The following NOTCH4 variants were observed in gnomAD, a reference collection of about 807,000 sequenced individuals.
NOTCH4 encodes the protein notch receptor 4, also known as neurogenic locus notch homolog protein 4.
In NOTCH4, 138 loss-of-function variants were observed where a neutral mutation model predicts 189.0. The ratio of observed to expected loss-of-function variants is 0.73; its 90% CI spans 0.64 to 0.84. The LOEUF (loss-of-function observed/expected upper bound fraction) is 0.84. Ranked by LOEUF, NOTCH4 falls within the 40% of genes least tolerant of loss-of-function variation. The probability of loss-of-function intolerance (pLI) is 0.00; values close to 1 mark genes in which losing one functional copy is unlikely to be tolerated. For missense variants in NOTCH4, 2,286 were observed against 2,605.4 expected (o/e 0.88, Z 2.67); for synonymous variants, 942 against 1,032.8 (o/e 0.91, Z 1.69).
intron 26 of NOTCH4, among the ~76,000 whole-genome samples, chr6:32,197,883 G>A (rs1476110150): frequency 2.0e-5 from 3 of 149,130 alleles, no homozygotes. Context: ...GTGCAGTGGC[G>A]CGATCTCGGC....
Position 32,195,745 on chromosome 6 carries a change from C to G in NOTCH4, c.5704G>C (p.Gly1902Arg). 6.2e-7 allele frequency: 1 copy of G among 1,612,250 alleles called. No homozygotes were observed. Among genetic ancestry groups the G allele is most frequent in the Non-Finnish European group, 8.5e-7 (1 of 1,179,852 alleles). ...GAYSHCRSLSGVGAGGGPTPR... is the reference protein window; with the variant it reads ...GAYSHCRSLSRVGAGGGPTPR... ...GTCGGGCCTCCTCCTGCTCCTACTC[C>G]CGAGAGGCTCCGGCAATGAGAATAG... Residue 1902 changes from glycine to arginine, a missense_variant, in exon 30 of 30, where the codon GGA (glycine) becomes CGA (arginine). Physicochemically the swap from Gly to Arg is moderately radical, Grantham distance 125 (BLOSUM62 -2). This residue lies in a region of NOTCH4 where 383 missense variants were observed against 343.5 expected (regional missense o/e 1.11). Transcript: ENST00000375023. This position sits in a 1 kb window ranked among gnomAD's most constrained non-coding sequence, Gnocchi z 5.4.
At position 32,210,780 on chromosome 6, in the gene NOTCH4, A is replaced by G; in HGVS notation, c.2837T>C (p.Met946Thr). The G allele has an allele frequency of 6.2e-7, 1 of 1,612,816 alleles. No homozygotes were observed. Among genetic ancestry groups the G allele is most frequent in the Non-Finnish European group, 8.5e-7 (1 of 1,180,022 alleles). ...GCAGAGATACCCACTGGGCTGGGCC[A>G]TGCAGGTGGCCCCGTTCTGGCAAGG... is the stretch of plus-strand genomic sequence containing the variant. ...SRPCQNGATC[M>T]AQPSGYLCQC... Residue 946 changes from methionine to threonine, a missense_variant, in exon 18 of 30, where the codon ATG becomes ACG. Met to Thr is a moderately conservative substitution (Grantham distance 81). Coordinates refer to ENST00000375023, the MANE Select transcript of NOTCH4 (RefSeq NM_004557.4). This position sits in a 1 kb window ranked among gnomAD's most constrained non-coding sequence, Gnocchi z 4.8.
At position 32,199,028 on chromosome 6, in the gene NOTCH4, T is replaced by A. The variant is rs1441116063; in HGVS notation, c.4433A>T (p.His1478Leu). The A allele has an allele frequency of 1.2e-6, 2 of 1,612,804 alleles. No homozygotes were observed. Reference protein sequence around the residue: ...LQLIRRRRREHGALWLPPGFT... With the variant: ...LQLIRRRRRELGALWLPPGFT... ...ACCAGGGGGCAGCCAGAGAGCTCCA[T>A]GCTCTCGGCGTCGACGCCGGATGAG... is the stretch of plus-strand genomic sequence containing the variant. Residue 1478 changes from histidine to leucine, a missense_variant, in exon 24 of 30, where the codon CAT becomes CTT. His to Leu is a moderately conservative substitution (Grantham distance 99). Transcript: ENST00000375023. This position sits in a 1 kb window ranked among gnomAD's most constrained non-coding sequence, Gnocchi z 4.9.
At chr6:32,222,949 C>G (rs879213245) in intron 2 of NOTCH4, 56 bp downstream of exon 2, 28 of 1,557,966 alleles carry the variant, frequency 1.8e-5, no homozygotes, top group Admixed American at 5.0e-5. Context: ...ACCTCTCCCC[C>G]CCTGCTCTCC....
intron 18 of NOTCH4, 65 bp from the exon 19 acceptor site, chr6:32,204,454 CA>C: frequency 6.4e-7 from 1 of 1,570,312 alleles, no homozygotes; most frequent in Admixed American, 1.7e-5. Flanking sequence ...ACAAGGGACC[CA>C]GCTCAAGATA....
rs551424595 is a variant in NOTCH4, at chr6:32,207,645, A to C, written c.2865+3107T>G. ...AGACTCTATCCCCCCCCCCCAAAAAAAAAGAAAAAAAGAAACTAAATCTCT... is the reference window on the plus strand; with the variant it reads ...AGACTCTATCCCCCCCCCCCAAAAACAAAGAAAAAAAGAAACTAAATCTCT... On this transcript the variant is annotated intron_variant, in intron 18 of 29. Transcript: ENST00000375023. Among the ~76,000 whole-genome samples the C allele has an allele frequency of 1.5e-3, 223 of 150,432 alleles. 6 individuals carry two copies. The highest frequency in any genetic ancestry group is 0.011 in the Admixed American group (162 of 15,126).
In NOTCH4 at chr6:32,217,267, C is replaced by G; in HGVS notation, c.1625-1G>C. The G allele has an allele frequency of 1.2e-6, 2 of 1,609,522 alleles. No homozygotes were observed. Among genetic ancestry groups the G allele is most frequent in the Non-Finnish European group, 1.7e-6 (2 of 1,177,044 alleles). ...TCCTCACATCGGGTGCCGGAGAATCCTGGTGGGGCGGAAGTGGGTGGGGAG... is the reference window on the plus strand; with the variant it reads ...TCCTCACATCGGGTGCCGGAGAATCGTGGTGGGGCGGAAGTGGGTGGGGAG... On this transcript the variant is annotated splice_acceptor_variant, in intron 9 of 29. Coordinates refer to ENST00000375023, the MANE Select transcript of NOTCH4 (RefSeq NM_004557.4). LOFTEE classifies it high-confidence loss of function. This position sits in a 1 kb window ranked among gnomAD's most constrained non-coding sequence, Gnocchi z 4.2.
rs2127461587 is a variant in NOTCH4, at chr6:32,197,530, C to A, written c.4821G>T (p.Gly1607=). The A allele has an allele frequency of 6.2e-7, 1 of 1,612,276 alleles. No homozygotes were observed. Among genetic ancestry groups the A allele is most frequent in the Non-Finnish European group, 8.5e-7 (1 of 1,179,214 alleles). The stretch of plus-strand genomic sequence containing the variant: ...AGGGCTCAGGACATCCCAACCATGC[C>A]CCTTGGAAGGTCCCGGACTGTACTT... ...CGEVQSGTFQ[G]AWLGCPEPWE... The change falls in exon 27 of 30, where the codon GGG becomes GGT. Residue 1607 remains glycine (G), a synonymous_variant. Coordinates refer to ENST00000375023, the MANE Select transcript of NOTCH4 (RefSeq NM_004557.4).
Position 32,196,055 on chromosome 6 carries a change from C to T in NOTCH4, c.5394G>A (p.Gln1798=). 2.5e-6 allele frequency: 4 copies of T among 1,594,426 alleles called. No homozygotes were observed. Among genetic ancestry groups the T allele is most frequent in the Middle Eastern group, 1.7e-4 (1 of 6,050 alleles). ...GLGAARELRD[Q]AGLAPADVAH... Reference sequence around the variant, plus strand: ...CGACGTCCGCCGGCGCTAGCCCAGCCTGGTCCCGCAGCTCTCGGGCTGCCC... The same window carrying T: ...CGACGTCCGCCGGCGCTAGCCCAGCTTGGTCCCGCAGCTCTCGGGCTGCCC... Residue 1798 remains glutamine, a synonymous_variant, in exon 30 of 30, where the codon CAG becomes CAA. Transcript: ENST00000375023.
rs1789331500 is a variant in NOTCH4, at chr6:32,215,324, C to T, written c.1923G>A (p.Lys641=). The T allele has an allele frequency of 6.2e-7, 1 of 1,610,010 alleles. No homozygotes were observed. Among genetic ancestry groups the T allele is most frequent in the Admixed American group, 1.7e-5 (1 of 59,446 alleles). The change falls in exon 12 of 30, where the codon AAG becomes AAA. Residue 641 remains lysine, a synonymous_variant. Transcript: ENST00000375023. ...PNLCQPKQIC[K]DQKDKANCLC... ...GGCAGTTGGCCTTGTCTTTCTGGTC[C>T]TTACATATCTGCTTGGGCTGGCACA...
intron 18 of NOTCH4, among the ~76,000 whole-genome samples, chr6:32,207,346 G>A (rs894747708): frequency 2.2e-4 from 34 of 152,068 alleles, no homozygotes; most frequent in African/African-American, 6.5e-4. Flanking sequence ...AACCTAGGCC[G>A]GGCGGGGTGG....
At position 32,194,871 on chromosome 6, in the gene NOTCH4, T is replaced by C; in HGVS notation, c.*566A>G. ...CACTTCAAATCAGCTTTATTATGGG[T>C]GACAGATTTAGGGTTCTTAAATAGC... is the stretch of plus-strand genomic sequence containing the variant. On this transcript the variant is annotated 3_prime_UTR_variant, in exon 30 of 30. Coordinates refer to ENST00000375023, the MANE Select transcript of NOTCH4 (RefSeq NM_004557.4). This position sits in a 1 kb window ranked among gnomAD's most constrained non-coding sequence, Gnocchi z 4.5. 4.3e-6 allele frequency: 1 copy of C among 233,434 alleles called. No homozygotes were observed. 14.5% of individuals were successfully genotyped at this position (233,434 alleles called of 1,614,324 possible).
rs977725181 is a variant in NOTCH4 at position 32,199,653 on chromosome 6, G to A, written c.4316-508C>T. On this transcript the variant is annotated intron_variant, in intron 23 of 29. Coordinates refer to ENST00000375023, the MANE Select transcript of NOTCH4 (RefSeq NM_004557.4). The surrounding 1 kb of genome is among the most constrained non-coding windows in gnomAD (Gnocchi z 4.9). ...TGGGAGGTGGAGCTTGCAGTGAGCC[G>A]AGATCGCGCCACTGCACTCCGGCCT... Among the ~76,000 whole-genome samples, 4 of 152,108 alleles carry A rather than the reference G, an allele frequency of 2.6e-5. No homozygotes were observed. The highest frequency in any genetic ancestry group is 1.9e-4 in the East Asian group (1 of 5,198).
At chr6:32,209,285 T>A (rs1344319964) in intron 18 of NOTCH4, among the ~76,000 whole-genome samples, 1 of 152,192 alleles carries the variant, frequency 6.6e-6, no homozygotes, top group Non-Finnish European at 1.5e-5. Flanking sequence ...CTCACTCATA[T>A]GTGGGAGCTA....
intron 27 of NOTCH4, 110 bp downstream of exon 27, chr6:32,197,189 A>T: frequency 6.6e-7 from 1 of 1,517,124 alleles, no homozygotes; most frequent in Non-Finnish European, 8.9e-7. Context: ...TTTCCCTGTC[A>T]GGTTCCCAAT....
In NOTCH4 at chr6:32,221,136, G is replaced by T. The variant is rs1243676950; in HGVS notation, c.641C>A (p.Thr214Asn). 1 of 1,613,148 alleles carries T rather than the reference G, an allele frequency of 6.2e-7. No individual in the cohort carries two copies. The highest frequency in any genetic ancestry group is 8.5e-7 in the Non-Finnish European group (1 of 1,180,042). ...GCAGAGGCACTGGAAGGAGCCCAGGGTGTTATGGCAGGAGGTGCCTTTGGG... is the reference window on the plus strand; with the variant it reads ...GCAGAGGCACTGGAAGGAGCCCAGGTTGTTATGGCAGGAGGTGCCTTTGGG... Reference protein sequence around the residue: ...PCPKGTSCHNTLGSFQCLCPV... With the variant: ...PCPKGTSCHNNLGSFQCLCPV... The change falls in exon 4 of 30, where the codon ACC (threonine) becomes AAC (asparagine). Residue 214 changes from threonine to asparagine, a missense_variant. This residue lies in a region of NOTCH4 where 1,903 missense variants were observed against 2,261.9 expected (regional missense o/e 0.84). Coordinates refer to ENST00000375023, the MANE Select transcript of NOTCH4 (RefSeq NM_004557.4). The surrounding 1 kb of genome is among the most constrained non-coding windows in gnomAD (Gnocchi z 4.3).
chr6:32,220,727 G>A (rs1414033214), intron 5 of NOTCH4, 29 bp downstream of exon 5: 1 of 1,613,480 alleles, frequency 6.2e-7, no homozygotes, highest in Non-Finnish European at 8.5e-7. Flanking sequence ...TGGGCCATGG[G>A]TGTCATGGAT....
Position 32,212,601 on chromosome 6 carries a change from C to G in NOTCH4, c.2553G>C (p.Lys851Asn), listed in dbSNP as rs1302391138. The change falls in exon 17 of 30, where the codon AAG (lysine) becomes AAC (asparagine). Residue 851 changes from lysine to asparagine, a missense_variant. By Grantham distance (94) the Lys-to-Asn change is moderately conservative (BLOSUM62 0). Coordinates refer to ENST00000375023, the MANE Select transcript of NOTCH4 (RefSeq NM_004557.4). The surrounding 1 kb of genome is among the most constrained non-coding windows in gnomAD (Gnocchi z 4.4). ...CQTLMDLCAQ[K>N]PCPRNSHCLQ... ...GGCAGTGGGAATTGCGTGGGCAGGGCTTCTGGGCACATAAGTCCATCAGAG... is the reference window on the plus strand; with the variant it reads ...GGCAGTGGGAATTGCGTGGGCAGGGGTTCTGGGCACATAAGTCCATCAGAG... The G allele has an allele frequency of 1.2e-6, 2 of 1,612,270 alleles. No homozygotes were observed. The highest frequency in any genetic ancestry group is 1.3e-5 in the African/African-American group (1 of 74,898).
At position 32,217,862 on chromosome 6, in the gene NOTCH4, C is replaced by T; in HGVS notation, c.1624+133G>A. The T allele has an allele frequency of 1.6e-6, 1 of 638,068 alleles. No homozygotes were observed. Among genetic ancestry groups the T allele is most frequent in the Non-Finnish European group, 2.8e-6 (1 of 351,452 alleles). The allele number at this position is 638,068 out of a possible 1,614,324, so 39.5% of individuals were successfully genotyped here. A position where few individuals can be genotyped will look rare whatever the true frequency, so the allele number is the denominator to read the frequency against. On this transcript the variant is annotated intron_variant, in intron 9 of 29. Coordinates refer to ENST00000375023, the MANE Select transcript of NOTCH4 (RefSeq NM_004557.4). This position sits in a 1 kb window ranked among gnomAD's most constrained non-coding sequence, Gnocchi z 4.2. ...ATGTAAGAGTAGAGATTTTGGGGAG[C>T]AAAGACAGATTTGGAGGACTCCTTG...
Sources: gnomAD v4.1 joint callset for allele counts (sites outside exome capture counted in the v4.1 genomes callset) on GRCh38, gnomAD v4.1.1 for gene constraint, gnomAD v4.1.1 regional missense constraint, Gnocchi (gnomAD v3.1) non-coding constraint, MANE v1.5 for transcripts, NCBI Gene and HGNC (gene_info 2026-07-23, HGNC 2026-07-21) for gene names.